Variants in ZNF548 observed in about 807,000 individuals in gnomAD.
ZNF548 encodes the protein zinc finger protein 548.
ZNF548 carries 10 observed loss-of-function variants against 10.2 expected under a neutral mutation model. The observed-to-expected ratio is 0.98, with a 90% CI of 0.60 to 1.66. ZNF548 has a LOEUF of 1.66. ZNF548 is among the 40% of genes most tolerant of loss of function. The pLI is 0.00. For synonymous variants in ZNF548, 217 were observed against 223.5 expected (o/e 0.97, Z 0.26); for missense variants, 599 against 657.0 (o/e 0.91, Z 0.97).
chr19:57,398,951 G>A lies in ZNF548; in HGVS notation c.700G>A (p.Glu234Lys). ...TGAGCACCAGAAAATCCACACAGGA[G>A]AAAGGTCTTATGAATGTAACAAATG... Reference protein sequence around the residue: ...FVEHQKIHTGERSYECNKCGK... With the variant: ...FVEHQKIHTGKRSYECNKCGK... The change falls in exon 4 of 4, where the codon GAA becomes AAA. Residue 234 changes from glutamate to lysine, a missense_variant. Coordinates refer to ENST00000336128, the MANE Select transcript of ZNF548 (RefSeq NM_001172773.2). 1 of 1,614,128 alleles carries A rather than the reference G, an allele frequency of 6.2e-7. No homozygotes were observed. Among genetic ancestry groups the A allele is most frequent in the South Asian group, 1.1e-5 (1 of 91,088 alleles).
Position 57,390,361 on chromosome 19 carries a change from G to A in ZNF548, c.15+247G>A, listed in dbSNP as rs185725859. The stretch of plus-strand genomic sequence containing the variant: ...GTGTGTTGTTTCTGCGGGAAAGAGA[G>A]GGTTTTGTGAATTCTCGCTTGGAAT... On this transcript the variant is annotated intron_variant, in intron 1 of 3. Coordinates refer to ENST00000336128, the MANE Select transcript of ZNF548 (RefSeq NM_001172773.2). 1.6e-4 allele frequency: 64 copies of A among 411,916 alleles called. No homozygotes were observed. The Admixed American group carries it at 2.2e-3, about 14-fold the overall frequency. The allele number at this position is 411,916 out of a possible 1,614,324, so 25.5% of individuals were successfully genotyped here.
In ZNF548 at chr19:57,398,726, C is replaced by T; in HGVS notation, c.475C>T (p.His159Tyr). Residue 159 changes from histidine (H) to tyrosine (Y), a missense_variant, in exon 4 of 4, where the codon CAC becomes TAC. By Grantham distance (83) the His-to-Tyr change is moderately conservative. Transcript: ENST00000336128. ...TTCATTTGGGAAGAACCACAGAGTT[C>T]ACATGGCAGAGGAGATCTTCACATG... ...IPSFGKNHRV[H>Y]MAEEIFTCME... 1 of 1,613,888 alleles carries T rather than the reference C, an allele frequency of 6.2e-7. No individual in the cohort carries two copies. Among genetic ancestry groups the T allele is most frequent in the Non-Finnish European group, 8.5e-7 (1 of 1,179,892 alleles).
chr19:57,393,967 G>A, intron 1 of ZNF548: 2 of 619,546 alleles, frequency 3.2e-6, no homozygotes, highest in Middle Eastern at 4.1e-4. Context: ...CTGTGAGGGG[G>A]CAGCTATTCT....
rs779110837 is a variant in ZNF548, at chr19:57,398,774, C to G, written c.523C>G (p.Pro175Ala). 1.2e-6 allele frequency: 2 copies of G among 1,614,014 alleles called. No individual in the cohort carries two copies. Among genetic ancestry groups the G allele is most frequent in the East Asian group, 2.2e-5 (1 of 44,880 alleles). ...ATGCATGGAGGGCTGGAAGGACTTA[C>G]CAGCCACCTCATGCCTTCTCCAGCA... Reference protein sequence around the residue: ...FTCMEGWKDLPATSCLLQHQG... With the variant: ...FTCMEGWKDLAATSCLLQHQG... The change falls in exon 4 of 4, where the codon CCA becomes GCA. Residue 175 changes from proline to alanine, a missense_variant. Transcript: ENST00000336128.
chr19:57,398,876 T>C lies in ZNF548; in HGVS notation c.625T>C (p.Tyr209His), dbSNP rs376286330. The change falls in exon 4 of 4, where the codon TAC (tyrosine) becomes CAC (histidine). Residue 209 changes from tyrosine (Y) to histidine (H), a missense_variant. By Grantham distance (83) the Tyr-to-His change is moderately conservative. Coordinates refer to ENST00000336128, the MANE Select transcript of ZNF548 (RefSeq NM_001172773.2). ...AGCCTTTCAGACTGGACAAAATGAT[T>C]ACAAATGTAGTGAATGTGGGAAAAC... ...REAFQTGQND[Y>H]KCSECGKTFT... 1 of 1,613,896 alleles carries C rather than the reference T, an allele frequency of 6.2e-7. No individual in the cohort carries two copies. Among genetic ancestry groups the C allele is most frequent in the African/African-American group, 1.3e-5 (1 of 74,926 alleles).
rs972448860 is a variant in ZNF548, at chr19:57,400,166, A to G, written c.*277A>G. 9 of 344,366 alleles carry G rather than the reference A, an allele frequency of 2.6e-5. No individual in the cohort carries two copies. Among genetic ancestry groups the G allele is most frequent in the African/African-American group, 1.9e-4 (9 of 48,354 alleles). The allele number at this position is 344,366 out of a possible 1,614,324, so 21.3% of individuals were successfully genotyped here. On this transcript the variant is annotated 3_prime_UTR_variant, in exon 4 of 4. Coordinates refer to ENST00000336128, the MANE Select transcript of ZNF548 (RefSeq NM_001172773.2). ...TTGAGACTGGCTTATTTCACTTAGG[A>G]TAAGGTCTTCACGGTTCACCCATGT...
Position 57,402,601 on chromosome 19 carries a change from G to C in ZNF548, c.*2712G>C, listed in dbSNP as rs1600089790. Reference sequence around the variant, plus strand: ...TCAGAAGAACCCAGAAAAGTATTATGAATCTAGTGAATGTTGGAAAATCTT... The same window carrying C: ...TCAGAAGAACCCAGAAAAGTATTATCAATCTAGTGAATGTTGGAAAATCTT... On this transcript the variant is annotated 3_prime_UTR_variant, in exon 4 of 4. Coordinates refer to ENST00000336128, the MANE Select transcript of ZNF548 (RefSeq NM_001172773.2). The C allele has an allele frequency of 6.6e-6, 1 of 152,218 alleles. No individual in the cohort carries two copies. The highest frequency in any genetic ancestry group is 6.5e-5 in the Admixed American group (1 of 15,276). The allele number at this position is 152,218 out of a possible 1,614,324, so 9.4% of individuals were successfully genotyped here.
At chr19:57,390,268 C>T in intron 1 of ZNF548, 154 bp downstream of exon 1, 2 of 774,078 alleles carry the variant, frequency 2.6e-6, no homozygotes, top group Non-Finnish European at 3.9e-6. Context: ...CCTCAGAGCT[C>T]CCGTTAGGGA....
chr19:57,393,942 A>C, intron 1 of ZNF548: 1 of 592,480 alleles, frequency 1.7e-6, no homozygotes, highest in Non-Finnish European at 3.0e-6. Flanking sequence ...CTGATGTTTG[A>C]TACTAATATG....
intron 1 of ZNF548, among the ~76,000 whole-genome samples, chr19:57,391,715 G>A (rs1350228807): frequency 1.4e-5 from 2 of 147,442 alleles, no homozygotes; most frequent in Non-Finnish European, 3.0e-5. Context: ...GATTAATGAT[G>A]TTGAGCATTT....
Position 57,398,606 on chromosome 19 carries a change from C to T in ZNF548, c.355C>T (p.Pro119Ser), listed in dbSNP as rs1202811330. 1 of 1,613,926 alleles carries T rather than the reference C, an allele frequency of 6.2e-7. No individual in the cohort carries two copies. The highest frequency in any genetic ancestry group is 2.2e-5 in the East Asian group (1 of 44,902). Reference sequence around the variant, plus strand: ...CCTGGTTGAGCACAATGGAATTCATCCTGAGCAACACATATATATTTGTGA... The same window carrying T: ...CCTGGTTGAGCACAATGGAATTCATTCTGAGCAACACATATATATTTGTGA... ...LCLVEHNGIH[P>S]EQHIYICEAE... The change falls in exon 4 of 4, where the codon CCT becomes TCT. Residue 119 changes from proline (P) to serine (S), a missense_variant. Coordinates refer to ENST00000336128, the MANE Select transcript of ZNF548 (RefSeq NM_001172773.2).
chr19:57,400,111 C>G lies in ZNF548; in HGVS notation c.*222C>G, dbSNP rs2088703315. 6 of 478,110 alleles carry G rather than the reference C, an allele frequency of 1.3e-5. No homozygotes were observed. The East Asian group carries it at 1.9e-4, about 15-fold the overall frequency. The allele number at this position is 478,110 out of a possible 1,614,324, so 29.6% of individuals were successfully genotyped here. A position where few individuals can be genotyped will look rare whatever the true frequency, so the allele number is the denominator to read the frequency against. ...ATGAATTTGATATATATTTGTACCT[C>G]ATATAAGTGGATTCTACAGTATTTA... On this transcript the variant is annotated 3_prime_UTR_variant, in exon 4 of 4. Coordinates refer to ENST00000336128, the MANE Select transcript of ZNF548 (RefSeq NM_001172773.2).
At chr19:57,392,283 TGTTTA>T (rs2088632556) in intron 1 of ZNF548, among the ~76,000 whole-genome samples, 1 of 152,238 alleles carries the variant, frequency 6.6e-6, no homozygotes, top group Admixed American at 6.5e-5. Flanking sequence ...ATACAGAAGC[TGTTTA>T]GTTTAATTAG....
chr19:57,389,869 C>T lies in ZNF548; in HGVS notation c.-231C>T, dbSNP rs2123034473. The T allele has an allele frequency of 4.1e-6, 2 of 485,144 alleles. No homozygotes were observed. Among genetic ancestry groups the T allele is most frequent in the South Asian group, 8.2e-5 (2 of 24,266 alleles). 30.1% of individuals were successfully genotyped at this position (485,144 alleles called of 1,614,324 possible). A position where few individuals can be genotyped will look rare whatever the true frequency, so the allele number is the denominator to read the frequency against. On this transcript the variant is annotated 5_prime_UTR_variant, in exon 1 of 4. Coordinates refer to ENST00000336128, the MANE Select transcript of ZNF548 (RefSeq NM_001172773.2). Reference sequence around the variant, plus strand: ...GTCGGAGGGCGGGACTTCCGCCGTCCTCCTGGTGGTGGTCGTTTTGGTTCT... The same window carrying T: ...GTCGGAGGGCGGGACTTCCGCCGTCTTCCTGGTGGTGGTCGTTTTGGTTCT...
chr19:57,396,321 C>A (rs932480659), intron 2 of ZNF548, among the ~76,000 whole-genome samples: 2 of 152,170 alleles, frequency 1.3e-5, no homozygotes, highest in Non-Finnish European at 2.9e-5. Flanking sequence ...TGGATCCCCC[C>A]ACGGGAGGCC....
In ZNF548 at chr19:57,398,654, A is replaced by G. The variant is rs745548398; in HGVS notation, c.403A>G (p.Lys135Glu). ...ICEAELFQHP[K>E]QQIGENLSRG... ...TGAGGCAGAGCTTTTTCAGCACCCA[A>G]AGCAGCAAATTGGAGAAAATCTTTC... The change falls in exon 4 of 4, where the codon AAG becomes GAG. Residue 135 changes from lysine to glutamate, a missense_variant. Physicochemically the swap from Lys to Glu is moderately conservative, Grantham distance 56 (BLOSUM62 1). Coordinates refer to ENST00000336128, the MANE Select transcript of ZNF548 (RefSeq NM_001172773.2). The G allele has an allele frequency of 2.5e-6, 4 of 1,614,002 alleles. No individual in the cohort carries two copies. The South Asian group carries it at 4.4e-5, about 18-fold the overall frequency.
chr19:57,393,802 C>T (rs1484843550), intron 1 of ZNF548, among the ~76,000 whole-genome samples: 1 of 151,892 alleles, frequency 6.6e-6, no homozygotes, highest in Non-Finnish European at 1.5e-5. Context: ...AAGTTAATAT[C>T]GCATCCTCTA....
At position 57,395,686 on chromosome 19, in the gene ZNF548, G is replaced by A. The variant is rs1215629675; in HGVS notation, c.52-1362G>A. 6.6e-6 allele frequency among the ~76,000 whole-genome samples: 1 copy of A among 152,174 alleles called. No individual in the cohort carries two copies. The highest frequency in any genetic ancestry group is 2.4e-5 in the African/African-American group (1 of 41,452). On this transcript the variant is annotated intron_variant, in intron 2 of 3. Transcript: ENST00000336128. The surrounding 1 kb of genome is among the most constrained non-coding windows in gnomAD (Gnocchi z 4.8). ...TCATGATCCAGTCACATCCCACCAG[G>A]TCCCTCCCCTGACACGTGGGGATTA...
In ZNF548 at chr19:57,398,825, C is replaced by G. The variant is rs2088687890; in HGVS notation, c.574C>G (p.Pro192Ala). 3.1e-6 allele frequency: 5 copies of G among 1,613,986 alleles called. No individual in the cohort carries two copies. The highest frequency in any genetic ancestry group is 4.5e-5 in the East Asian group (2 of 44,886). ...CCAGGGCCCTCAAAGCGAGTGGAAGCCATACAGGGACACAGAGGACAGAGA... is the reference window on the plus strand; with the variant it reads ...CCAGGGCCCTCAAAGCGAGTGGAAGGCATACAGGGACACAGAGGACAGAGA... The part of the protein sequence containing the change: ...QHQGPQSEWK[P>A]YRDTEDREAF... Residue 192 changes from proline (P) to alanine (A), a missense_variant, in exon 4 of 4, where the codon CCA becomes GCA. Physicochemically the swap from Pro to Ala is conservative, Grantham distance 27. Transcript: ENST00000336128.
Sources: allele counts gnomAD v4.1 joint callset (sites outside exome capture counted in the v4.1 genomes callset), GRCh38; gene constraint gnomAD v4.1.1; non-coding constraint Gnocchi (gnomAD v3.1); transcripts MANE v1.5; gene names NCBI Gene and HGNC (gene_info 2026-07-23, HGNC 2026-07-21).